The following MCF2L variants were observed in gnomAD, a reference collection of about 807,000 sequenced individuals.
MCF2L encodes guanine nucleotide exchange factor DBS.
Under a neutral mutation model 153.4 loss-of-function variants are expected in MCF2L, and 97 were observed. The ratio of observed to expected loss-of-function variants is 0.63; its 90% CI spans 0.54 to 0.75. The LOEUF (loss-of-function observed/expected upper bound fraction) is 0.75. Ranked by LOEUF, MCF2L falls within the 30% of genes least tolerant of loss-of-function variation. The pLI is 0.00. For synonymous variants in MCF2L, 659 were observed against 632.2 expected (o/e 1.04, Z -0.64); for missense variants, 1,347 against 1,495.2 (o/e 0.90, Z 1.64).
At chr13:113,095,290 C>T (rs1174765802) in intron 27 of MCF2L, 2 of 1,180,334 alleles carry the variant, frequency 1.7e-6, no homozygotes, top group South Asian at 1.6e-5. Flanking sequence ...GGACAGGTCC[C>T]GGAGGCTCTG....
intron 1 of MCF2L, among the ~76,000 whole-genome samples, chr13:112,994,287 G>A (rs1566703447): frequency 6.6e-6 from 1 of 151,372 alleles, no homozygotes; most frequent in Non-Finnish European, 1.5e-5. Context: ...TCGGCGTGAC[G>A]GGGCGCGGCG....
At chr13:113,056,546 G>GTGT (rs2029873289) in intron 4 of MCF2L, among the ~76,000 whole-genome samples, 1 of 144,132 alleles carries the variant, frequency 6.9e-6, no homozygotes, top group Non-Finnish European at 1.5e-5. Flanking sequence ...TGGGTGCTGA[G>GTGT]TGGGCACTGA....
At chr13:112,955,776 T>C (rs1240072240) in intron 2 of MCF2L, among the ~76,000 whole-genome samples, 2 of 152,210 alleles carry the variant, frequency 1.3e-5, no homozygotes, top group Non-Finnish European at 2.9e-5. Context: ...GCTTGTCTGC[T>C]GTCGGAGAGT....
rs534302334 is a variant in MCF2L at position 112,991,279 on chromosome 13, A to G, written c.79+21821A>G. On this transcript the variant is annotated intron_variant, in intron 1 of 29. Transcript: ENST00000535094. ...TTTGGGGGGCATCTCCCGGGACCTGATTTGCTGTGTTTTGGGGGGCGTCTC... is the reference window on the plus strand; with the variant it reads ...TTTGGGGGGCATCTCCCGGGACCTGGTTTGCTGTGTTTTGGGGGGCGTCTC... Among the ~76,000 whole-genome samples the G allele has an allele frequency of 8.7e-5, 13 of 149,532 alleles. No homozygotes were observed. In the South Asian group the frequency reaches 2.6e-3, roughly 29 times the overall value.
chr13:113,073,129 C>T (rs961007788), intron 9 of MCF2L, among the ~76,000 whole-genome samples: 4 of 151,254 alleles, frequency 2.6e-5, no homozygotes, highest in Admixed American at 1.3e-4. Flanking sequence ...GAGATTTTCC[C>T]GTTGTCTTTC....
At chr13:112,921,250 TA>T (rs1264804511) in intron 2 of MCF2L, among the ~76,000 whole-genome samples, 1 of 152,050 alleles carries the variant, frequency 6.6e-6, no homozygotes, top group Non-Finnish European at 1.5e-5. Context: ...GAAGTTAAAA[TA>T]GAAGGACGAA....
Position 113,096,988 on chromosome 13 carries a change from G to A in MCF2L, c.*129G>A. 3.5e-6 allele frequency: 2 copies of A among 564,892 alleles called. No homozygotes were observed. Among genetic ancestry groups the A allele is most frequent in the Non-Finnish European group, 5.4e-6 (2 of 372,656 alleles). The allele number at this position is 564,892 out of a possible 1,614,324, so 35.0% of individuals were successfully genotyped here. A position where few individuals can be genotyped will look rare whatever the true frequency, so the allele number is the denominator to read the frequency against. On this transcript the variant is annotated 3_prime_UTR_variant, in exon 30 of 30. Transcript: ENST00000535094. ...CCCAGAGCGCCTGGCCGTGCGGGCT[G>A]CAGAGGACCCCTCCGGGGCAGAGGC... is the stretch of plus-strand genomic sequence containing the variant.
Position 113,044,205 on chromosome 13 carries a change from A to G in MCF2L, c.279-1066A>G. On this transcript the variant is annotated intron_variant, in intron 3 of 29. Coordinates refer to ENST00000535094, the MANE Select transcript of MCF2L (RefSeq NM_001112732.3). ...CCCAGAAGGTTTCTGCTGTTATTGA[A>G]TCAAATTACCCTACATGTGAGGCAT... The G allele has an allele frequency of 1.8e-5, 4 of 227,156 alleles. No homozygotes were observed. In the South Asian group the frequency reaches 3.0e-4, roughly 17 times the overall value. The allele number at this position is 227,156 out of a possible 1,614,324, so 14.1% of individuals were successfully genotyped here.
intron 11 of MCF2L, 54 bp from the exon 12 acceptor site, chr13:113,075,912 G>A (rs2033425295): frequency 7.0e-7 from 1 of 1,429,840 alleles, no homozygotes; most frequent in African/African-American, 1.4e-5. Context: ...TGGACAGGGT[G>A]ACGCTCTCAC....
At chr13:112,930,056 C>A (rs112414406) in intron 2 of MCF2L, among the ~76,000 whole-genome samples, 1 of 152,194 alleles carries the variant, frequency 6.6e-6, no homozygotes, top group Non-Finnish European at 1.5e-5. Context: ...AACCTCACAA[C>A]GCCTGGTACT....
chr13:113,089,829 A>G (rs2035026671), intron 26 of MCF2L, 101 bp downstream of exon 26: 1 of 1,608,648 alleles, frequency 6.2e-7, no homozygotes, highest in Non-Finnish European at 8.5e-7. Flanking sequence ...TGCAGTGTGA[A>G]GAAGCTTTGC....
intron 1 of MCF2L, chr13:113,010,373 G>C (rs1166855547): frequency 2.0e-5 from 3 of 152,236 alleles, no homozygotes; most frequent in East Asian, 3.8e-4. Context: ...GGAACAAAGA[G>C]ATCTAAAGAT....
intron 15 of MCF2L, 22 bp downstream of exon 15, chr13:113,078,761 C>A (rs1198776150): frequency 1.3e-6 from 2 of 1,582,016 alleles, no homozygotes; most frequent in South Asian, 2.3e-5. Context: ...GCCCTTCTGT[C>A]CTCACAGGGG....
At chr13:112,968,145 G>C (rs1049853300), upstream of MCF2L, among the ~76,000 whole-genome samples, 6 of 148,718 alleles carry the variant, frequency 4.0e-5, no homozygotes, top group East Asian at 7.9e-4. Flanking sequence ...AGTGAGGTGG[G>C]GGGGGGGGTC....
At chr13:113,055,595 G>A (rs2087710064) in intron 4 of MCF2L, among the ~76,000 whole-genome samples, 1 of 152,228 alleles carries the variant, frequency 6.6e-6, no homozygotes, top group South Asian at 2.1e-4. Flanking sequence ...TCACAGCAGT[G>A]TGAGGGATTT....
chr13:112,999,977 C>T (rs7333060), intron 1 of MCF2L, among the ~76,000 whole-genome samples: 1 of 94,396 alleles, frequency 1.1e-5, no homozygotes, highest in Admixed American at 1.1e-4. Context: ...AGGGCTGAGG[C>T]ACAGGTGGCG....
In MCF2L at chr13:112,904,853, G is replaced by A. The variant is rs2081156693; in HGVS notation, c.169+2482G>A. Among the ~76,000 whole-genome samples, 5 of 152,262 alleles carry A rather than the reference G, an allele frequency of 3.3e-5. No homozygotes were observed. The highest frequency in any genetic ancestry group is 3.3e-4 in the Admixed American group (5 of 15,286). ...CAATGTCCTAGCCCAGCTGGCTGGA[G>A]ACAGTTGGTGGTGATGAAACCTGTT... On this transcript the variant is annotated intron_variant, in intron 2 of 29. Transcript: ENST00000375608. The surrounding 1 kb of genome is among the most constrained non-coding windows in gnomAD (Gnocchi z 4.2).
intron 1 of MCF2L, among the ~76,000 whole-genome samples, chr13:112,897,173 C>A (rs184486484): frequency 2.6e-5 from 4 of 152,344 alleles, no homozygotes; most frequent in Admixed American, 2.6e-4. Flanking sequence ...GCAACCCCCG[C>A]TTTGGGAAAG....
intron 27 of MCF2L, 175 bp downstream of exon 27, chr13:113,094,810 C>G (rs1430035551): frequency 1.9e-6 from 2 of 1,053,322 alleles, no homozygotes; most frequent in Non-Finnish European, 2.8e-6. Context: ...TCCTAACTCT[C>G]TCTGGAAGGT....
Sources: allele counts gnomAD v4.1 joint callset (sites outside exome capture counted in the v4.1 genomes callset), GRCh38; gene constraint gnomAD v4.1.1; non-coding constraint Gnocchi (gnomAD v3.1); transcripts MANE v1.5; gene names NCBI Gene and HGNC (gene_info 2026-07-23, HGNC 2026-07-21).